CLVS1: variants seen among roughly 807,000 people sequenced by gnomAD.
The protein encoded by CLVS1 is clavesin 1, also known as clavesin-1.
CLVS1 carries 10 observed loss-of-function variants against 33.1 expected under a neutral mutation model. The ratio of observed to expected loss-of-function variants is 0.30; its 90% CI spans 0.19 to 0.51. The LOEUF (loss-of-function observed/expected upper bound fraction) is 0.51. Ranked by LOEUF, CLVS1 falls within the 20% of genes least tolerant of loss-of-function variation. The pLI, the probability that CLVS1 is intolerant of heterozygous loss-of-function variation, is 0.97. For missense variants in CLVS1, 343 were observed against 433.4 expected (o/e 0.79, Z 1.85); for synonymous variants, 163 against 166.1 (o/e 0.98, Z 0.14).
At chr8:61,381,024 A>G (rs1813856280) in intron 3 of CLVS1, among the ~76,000 whole-genome samples, 1 of 151,904 alleles carries the variant, frequency 6.6e-6, no homozygotes, top group South Asian at 2.1e-4. Context: ...TGTATTTTTC[A>G]CTTTCTGGAA....
intron 2 of CLVS1, among the ~76,000 whole-genome samples, chr8:61,257,910 C>T (rs917261112): frequency 6.6e-6 from 1 of 151,994 alleles, no homozygotes; most frequent in Non-Finnish European, 1.5e-5. Context: ...TGCTAGTTTA[C>T]AAAATATGTA....
Position 61,304,669 on chromosome 8 carries a change from C to T in CLVS1, c.455+4387C>T, listed in dbSNP as rs72657052. On this transcript the variant is annotated intron_variant, in intron 2 of 5. Coordinates refer to ENST00000325897, the MANE Select transcript of CLVS1 (RefSeq NM_173519.3). ...TGCCCCTTTAAGATCTGATGAAAAACAAATTCATTTCTTGCTTCTTTCTAA... is the reference window on the plus strand; with the variant it reads ...TGCCCCTTTAAGATCTGATGAAAAATAAATTCATTTCTTGCTTCTTTCTAA... 8.5e-3 allele frequency among the ~76,000 whole-genome samples: 1,294 copies of T among 152,268 alleles called. 10 individuals are homozygous for T. The highest frequency in any genetic ancestry group is 0.012 in the Non-Finnish European group (842 of 68,020).
the CLVS1 span, among the ~76,000 whole-genome samples, chr8:61,016,259 T>C: frequency 6.6e-6 from 1 of 152,168 alleles, no homozygotes; most frequent in Non-Finnish European, 1.5e-5. Context: ...AACCCAGAAA[T>C]GCAAAGTACT....
chr8:61,035,802 C>A, the CLVS1 span, among the ~76,000 whole-genome samples: 1 of 152,154 alleles, frequency 6.6e-6, no homozygotes, highest in Non-Finnish European at 1.5e-5. Context: ...CTCCTCAAAT[C>A]CTTTCTTTTT....
Position 61,299,901 on chromosome 8 carries a change from A to G in CLVS1, c.74A>G (p.His25Arg). ...TWNGDLAKMT[H>R]LQAGLSPETI... is the part of the protein sequence containing the mutation. ...AACGGAGATTTGGCCAAGATGACCCATTTACAGGCTGGACTCAGTCCAGAG... is the reference window on the plus strand; with the variant it reads ...AACGGAGATTTGGCCAAGATGACCCGTTTACAGGCTGGACTCAGTCCAGAG... Residue 25 changes from histidine to arginine, a missense_variant, in exon 2 of 6, where the codon CAT becomes CGT. Coordinates refer to ENST00000325897, the MANE Select transcript of CLVS1 (RefSeq NM_173519.3). The G allele has an allele frequency of 6.2e-7, 1 of 1,613,966 alleles. No individual in the cohort carries two copies. The highest frequency in any genetic ancestry group is 2.2e-5 in the East Asian group (1 of 44,880).
chr8:61,069,824 T>C (rs906266480), intron 1 of CLVS1, among the ~76,000 whole-genome samples: 4 of 152,140 alleles, frequency 2.6e-5, no homozygotes, highest in Non-Finnish European at 5.9e-5. Context: ...AGAGTCTCGC[T>C]CTATCTCCCA....
At chr8:61,254,830 T>A (rs1262402389) in intron 2 of CLVS1, among the ~76,000 whole-genome samples, 1 of 152,160 alleles carries the variant, frequency 6.6e-6, no homozygotes, top group Non-Finnish European at 1.5e-5. Context: ...CCCCTTTCCT[T>A]GGCTAGAAAA....
intron 2 of CLVS1, among the ~76,000 whole-genome samples, chr8:61,315,202 T>TTTGAAC (rs1251124302): frequency 3.9e-5 from 6 of 152,210 alleles, no homozygotes; most frequent in African/African-American, 1.4e-4. Flanking sequence ...TGTATCTTCA[T>TTTGAAC]TTGAACTTGA....
At chr8:61,237,574 G>T (rs1002242076) in intron 2 of CLVS1, among the ~76,000 whole-genome samples, 1 of 152,180 alleles carries the variant, frequency 6.6e-6, no homozygotes, top group African/African-American at 2.4e-5. Flanking sequence ...TAACCTAAGA[G>T]CTGAGCATAT....
intron 3 of CLVS1, among the ~76,000 whole-genome samples, chr8:61,414,810 T>C (rs1446734440): frequency 6.6e-6 from 1 of 152,246 alleles, no homozygotes; most frequent in Non-Finnish European, 1.5e-5. Context: ...CCCCCAGGCC[T>C]GCTTGGACAG....
chr8:61,202,665 T>C, intron 2 of CLVS1: 2 of 1,537,878 alleles, frequency 1.3e-6, no homozygotes, highest in Non-Finnish European at 8.9e-7. Flanking sequence ...TGAAGTGTGG[T>C]TCAGGGCCAG....
intron 2 of CLVS1, among the ~76,000 whole-genome samples, chr8:61,181,860 C>T (rs530551052): frequency 3.9e-4 from 59 of 152,058 alleles, no homozygotes; most frequent in African/African-American, 1.0e-3. Context: ...CCACTGTGCC[C>T]GGCTAATTTT....
At chr8:61,199,359 C>G (rs1807682648) in intron 2 of CLVS1, among the ~76,000 whole-genome samples, 1 of 151,950 alleles carries the variant, frequency 6.6e-6, no homozygotes, top group Non-Finnish European at 1.5e-5. Flanking sequence ...ACTATATCTC[C>G]AAGCAAAGGA....
chr8:61,039,060 A>G, the CLVS1 span, among the ~76,000 whole-genome samples: 4 of 152,128 alleles, frequency 2.6e-5, no homozygotes, highest in African/African-American at 9.7e-5. Flanking sequence ...TTCTCACATA[A>G]TGCTAACTCA....
At chr8:61,098,969 A>G (rs964556952) in intron 1 of CLVS1, among the ~76,000 whole-genome samples, 1 of 152,184 alleles carries the variant, frequency 6.6e-6, no homozygotes, top group Non-Finnish European at 1.5e-5. Context: ...AAAACAAAAT[A>G]GGGTAATCAC....
chr8:61,354,103 CT>C (rs1162226288), intron 2 of CLVS1, among the ~76,000 whole-genome samples: 2 of 152,016 alleles, frequency 1.3e-5, no homozygotes, highest in African/African-American at 4.8e-5. Flanking sequence ...ATTTAAAACT[CT>C]TGAAAAAGAC....
chr8:61,471,393 G>A (rs1817733206), intron 5 of CLVS1, among the ~76,000 whole-genome samples: 1 of 152,094 alleles, frequency 6.6e-6, no homozygotes. Context: ...CCAAATAAAA[G>A]TTTTCTCACT....
chr8:61,332,335 C>T (rs1260676479), intron 2 of CLVS1, among the ~76,000 whole-genome samples: 2 of 152,148 alleles, frequency 1.3e-5, no homozygotes, highest in African/African-American at 4.8e-5. Flanking sequence ...TGTTGCGCTG[C>T]TCCTTTAAAC....
chr8:61,192,590 G>C (rs1272080813), intron 2 of CLVS1, among the ~76,000 whole-genome samples: 1 of 152,118 alleles, frequency 6.6e-6, no homozygotes, highest in Non-Finnish European at 1.5e-5. Context: ...GCAACCTACA[G>C]AATGGGAGAA....
Sources: allele counts gnomAD v4.1 joint callset (sites outside exome capture counted in the v4.1 genomes callset), GRCh38; gene constraint gnomAD v4.1.1; transcripts MANE v1.5; gene names NCBI Gene and HGNC (gene_info 2026-07-23, HGNC 2026-07-21).